The following ZBTB20 variants were observed in gnomAD, a reference collection of about 807,000 sequenced individuals.
ZBTB20 encodes zinc finger and BTB domain-containing protein 20.
In ZBTB20, 9 loss-of-function variants were observed where a neutral mutation model predicts 56.9. The ratio of observed to expected loss-of-function variants is 0.16; its 90% CI spans 0.10 to 0.28. ZBTB20 has a LOEUF of 0.28. Among genes scored for constraint, ZBTB20 ranks in the 10% least tolerant of loss-of-function variants. ZBTB20 has a pLI of 1.00. For synonymous variants in ZBTB20, 417 were observed against 420.7 expected (o/e 0.99, Z 0.11); for missense variants, 655 against 1,003.0 (o/e 0.65, Z 4.69).
intron 7 of ZBTB20, among the ~76,000 whole-genome samples, chr3:114,407,289 G>C (rs2087431743): frequency 6.6e-6 from 1 of 152,184 alleles, no homozygotes; most frequent in Non-Finnish European, 1.5e-5. Context: ...AAGGTCTTCA[G>C]TTACTTCTTT....
At chr3:114,735,692 T>C (rs920228639) in intron 5 of ZBTB20, among the ~76,000 whole-genome samples, 1 of 152,182 alleles carries the variant, frequency 6.6e-6, no homozygotes, top group African/African-American at 2.4e-5. Context: ...GAAACCTCTT[T>C]AATTATCTAA....
At chr3:114,653,390 A>G (rs1383024829) in intron 6 of ZBTB20, among the ~76,000 whole-genome samples, 1 of 151,728 alleles carries the variant, frequency 6.6e-6, no homozygotes, top group Non-Finnish European at 1.5e-5. Context: ...TTGAGATCAT[A>G]TTTTTCTTCT....
intron 4 of ZBTB20, among the ~76,000 whole-genome samples, chr3:114,836,608 C>G (rs1171107931): frequency 6.6e-6 from 1 of 152,182 alleles, no homozygotes; most frequent in East Asian, 1.9e-4. Flanking sequence ...GACAGTTGAT[C>G]AGGCCAAACA....
chr3:114,478,015 T>C (rs2041058536), intron 7 of ZBTB20, among the ~76,000 whole-genome samples: 1 of 140,682 alleles, frequency 7.1e-6, no homozygotes, highest in South Asian at 2.6e-4. Flanking sequence ...AGTTTCATTC[T>C]TGTTGCCCAG....
At chr3:115,074,402 T>G (rs1470234098) in intron 1 of ZBTB20, among the ~76,000 whole-genome samples, 3 of 152,134 alleles carry the variant, frequency 2.0e-5, no homozygotes, top group Non-Finnish European at 4.4e-5. Flanking sequence ...AGAAGCCAGT[T>G]TAGTAAGGAA....
intron 7 of ZBTB20, among the ~76,000 whole-genome samples, chr3:114,443,618 C>T (rs1025333928): frequency 4.6e-5 from 7 of 152,094 alleles, no homozygotes; most frequent in African/African-American, 1.7e-4. Flanking sequence ...ACACAAAAAT[C>T]ATTGTGTTCA....
rs919542756 is a variant in ZBTB20 at position 114,327,067 on chromosome 3, A to G, written c.*11938T>C. 1 of 152,136 alleles carries G rather than the reference A, an allele frequency of 6.6e-6. No homozygotes were observed. Among genetic ancestry groups the G allele is most frequent in the Admixed American group, 6.5e-5 (1 of 15,268 alleles). 9.4% of individuals were successfully genotyped at this position (152,136 alleles called of 1,614,324 possible). On this transcript the variant is annotated 3_prime_UTR_variant, in exon 12 of 12. Transcript: ENST00000675478. ...TATAGTGTTTCTGTCTATTATTTTG[A>G]TGCATTAGTTACTGTTAGGGCTATT...
At chr3:115,042,951 A>T (rs2081198350) in intron 2 of ZBTB20, among the ~76,000 whole-genome samples, 1 of 152,190 alleles carries the variant, frequency 6.6e-6, no homozygotes, top group Non-Finnish European at 1.5e-5. Context: ...TCCTAAATTA[A>T]ATCTAAGATT....
intron 6 of ZBTB20, among the ~76,000 whole-genome samples, chr3:114,537,168 C>G (rs138625143): frequency 6.6e-6 from 1 of 152,134 alleles, no homozygotes; most frequent in South Asian, 2.1e-4. Context: ...AGCTTCTGCA[C>G]AGCAAAAGAA....
At chr3:115,068,315 C>G (rs904839657) in intron 2 of ZBTB20, among the ~76,000 whole-genome samples, 1 of 151,786 alleles carries the variant, frequency 6.6e-6, no homozygotes, top group Non-Finnish European at 1.5e-5. Context: ...AATGGTATAC[C>G]TAAAGAGACA....
At chr3:114,736,518 C>A (rs2066170095) in intron 5 of ZBTB20, among the ~76,000 whole-genome samples, 1 of 152,122 alleles carries the variant, frequency 6.6e-6, no homozygotes, top group Admixed American at 6.6e-5. Flanking sequence ...TGTAGGCGTT[C>A]ATTTTGGTAG....
chr3:114,984,746 A>G (rs1317907378), intron 2 of ZBTB20, among the ~76,000 whole-genome samples: 4 of 152,064 alleles, frequency 2.6e-5, no homozygotes, highest in Non-Finnish European at 2.9e-5. Context: ...AAGACTAATC[A>G]ATTGAGTACC....
chr3:115,116,719 A>C (rs781209246), intron 1 of ZBTB20, among the ~76,000 whole-genome samples: 2 of 152,100 alleles, frequency 1.3e-5, no homozygotes, highest in Non-Finnish European at 2.9e-5. Flanking sequence ...AGAAAGAAAG[A>C]GAGAGACAGA....
intron 6 of ZBTB20, among the ~76,000 whole-genome samples, chr3:114,655,647 C>G (rs2060369909): frequency 1.3e-5 from 2 of 152,078 alleles, no homozygotes; most frequent in Non-Finnish European, 2.9e-5. Flanking sequence ...TATTTTTTAG[C>G]AGTTGTTCTA....
chr3:114,857,750 C>T (rs937775926), intron 4 of ZBTB20, among the ~76,000 whole-genome samples: 1 of 152,122 alleles, frequency 6.6e-6, no homozygotes, highest in Admixed American at 6.6e-5. Context: ...TATTTTCCTT[C>T]TCTCCCACCT....
At chr3:114,901,684 T>C (rs1267969035) in intron 3 of ZBTB20, among the ~76,000 whole-genome samples, 1 of 152,078 alleles carries the variant, frequency 6.6e-6, no homozygotes, top group Non-Finnish European at 1.5e-5. Context: ...AAAGGAATAT[T>C]TGGCAAAATT....
chr3:114,354,066 C>T (rs1359907553), intron 10 of ZBTB20, among the ~76,000 whole-genome samples: 1 of 152,226 alleles, frequency 6.6e-6, no homozygotes, highest in Non-Finnish European at 1.5e-5. Flanking sequence ...CCAGCTACTT[C>T]TATACCTATC....
intron 6 of ZBTB20, among the ~76,000 whole-genome samples, chr3:114,625,334 G>C (rs1476169698): frequency 6.6e-6 from 1 of 152,120 alleles, no homozygotes; most frequent in African/African-American, 2.4e-5. Context: ...GCTCATTAAG[G>C]TTTCTGAAAT....
chr3:114,655,098 T>C (rs1490414457), intron 6 of ZBTB20, among the ~76,000 whole-genome samples: 1 of 152,144 alleles, frequency 6.6e-6, no homozygotes, highest in Non-Finnish European at 1.5e-5. Context: ...CCTAATACTC[T>C]CTCTTTTAAT....
Sources: allele counts gnomAD v4.1 joint callset (sites outside exome capture counted in the v4.1 genomes callset), GRCh38; gene constraint gnomAD v4.1.1; transcripts MANE v1.5; gene names NCBI Gene and HGNC (gene_info 2026-07-23, HGNC 2026-07-21).